WFDC10B: variants seen among roughly 807,000 people sequenced by gnomAD.
WFDC10B encodes protein WFDC10B.
Under a neutral mutation model 2.7 loss-of-function variants are expected in WFDC10B, and 1 was observed. The observed-to-expected ratio is 0.38, with a 90% CI of 0.13 to 1.79. WFDC10B has a LOEUF of 1.79. Ranked by LOEUF, WFDC10B falls within the 40% of genes most tolerant of loss-of-function variation. WFDC10B has a pLI of 0.33. For synonymous variants in WFDC10B, 26 were observed against 32.2 expected (o/e 0.81, Z 0.65); for missense variants, 71 against 87.8 (o/e 0.81, Z 0.76).
At chr20:45,702,339 T>C in intron 2 of WFDC10B, 1 of 958,398 alleles carries the variant, frequency 1.0e-6, no homozygotes, top group Non-Finnish European at 1.6e-6. Flanking sequence ...GCTTTATTGT[T>C]GGCAAGATCT....
intron 2 of WFDC10B, among the ~76,000 whole-genome samples, chr20:45,702,424 G>A (rs1420647623): frequency 1.3e-5 from 2 of 152,180 alleles, no homozygotes; most frequent in East Asian, 3.9e-4. Flanking sequence ...TCCTTATAAT[G>A]AATACAGGAG....
intron 2 of WFDC10B, among the ~76,000 whole-genome samples, chr20:45,698,562 T>C (rs1191404593): frequency 6.6e-6 from 1 of 150,756 alleles, no homozygotes. Flanking sequence ...TAAAGAACTC[T>C]TATGACTCAA....
rs1258148589 is a variant in WFDC10B at position 45,704,527 on chromosome 20, G to A, written c.-95C>T. The A allele has an allele frequency of 6.2e-7, 1 of 1,614,024 alleles. No homozygotes were observed. Among genetic ancestry groups the A allele is most frequent in the East Asian group, 2.2e-5 (1 of 44,894 alleles). On this transcript the variant is annotated 5_prime_UTR_variant, in exon 2 of 4. Coordinates refer to ENST00000330523, the MANE Select transcript of WFDC10B (RefSeq NM_172006.2). ...TACAATGCAGGAAGATTGCGAGAAA[G>A]GATTTCAGTGCTGTTCCTCCTTCTG...
chr20:45,692,894 G>T (rs1031502733), intron 2 of WFDC10B, among the ~76,000 whole-genome samples: 37 of 152,306 alleles, frequency 2.4e-4, no homozygotes, highest in African/African-American at 8.9e-4. Context: ...TTTGGAGGAG[G>T]AGAGGTGCTG....
At chr20:45,688,169 C>A (rs1983690778) in intron 2 of WFDC10B, among the ~76,000 whole-genome samples, 1 of 151,782 alleles carries the variant, frequency 6.6e-6, no homozygotes, top group Non-Finnish European at 1.5e-5. Context: ...ATGATGATTT[C>A]CAACTTCATC....
chr20:45,704,738 G>C lies in WFDC10B; in HGVS notation c.-129-177C>G, dbSNP rs1218252996. ...ATGTTGCCAACATGCCCCTTCTCTT[G>C]ACCAAGGATAATTTCCATAAAAGTC... On this transcript the variant is annotated intron_variant, in intron 1 of 3. Coordinates refer to ENST00000330523, the MANE Select transcript of WFDC10B (RefSeq NM_172006.2). 7 of 1,369,630 alleles carry C rather than the reference G, an allele frequency of 5.1e-6. No homozygotes were observed. The East Asian group carries it at 1.6e-4, about 32-fold the overall frequency. 84.8% of individuals were successfully genotyped at this position (1,369,630 alleles called of 1,614,324 possible). A position where few individuals can be genotyped will look rare whatever the true frequency, so the allele number is the denominator to read the frequency against.
intron 2 of WFDC10B, among the ~76,000 whole-genome samples, chr20:45,687,248 G>A (rs1275378052): frequency 6.8e-6 from 1 of 148,096 alleles, no homozygotes; most frequent in Non-Finnish European, 1.5e-5. Flanking sequence ...AACATGGGGT[G>A]TTTGAACATG....
At chr20:45,698,909 A>C (rs1351152009) in intron 2 of WFDC10B, among the ~76,000 whole-genome samples, 3 of 148,962 alleles carry the variant, frequency 2.0e-5, no homozygotes, top group Non-Finnish European at 3.0e-5. Flanking sequence ...TGGAGGTTGC[A>C]GTGAGCTGAG....
intron 1 of WFDC10B, 120 bp downstream of exon 1, chr20:45,704,798 C>T (rs1984323271): frequency 7.8e-7 from 1 of 1,287,982 alleles, no homozygotes; most frequent in Non-Finnish European, 1.1e-6. Flanking sequence ...TCCCAATCAC[C>T]ACATCCCATC....
chr20:45,695,644 C>T (rs1479700185), intron 2 of WFDC10B, among the ~76,000 whole-genome samples: 1 of 152,122 alleles, frequency 6.6e-6, no homozygotes. Flanking sequence ...GAAATTAATA[C>T]ACTCTAAAAC....
intron 2 of WFDC10B, among the ~76,000 whole-genome samples, chr20:45,691,375 C>T (rs1983807012): frequency 6.6e-6 from 1 of 150,860 alleles, no homozygotes; most frequent in African/African-American, 2.4e-5. Flanking sequence ...GAGCTGAGTT[C>T]AATTCCTGGG....
intron 2 of WFDC10B, among the ~76,000 whole-genome samples, chr20:45,687,786 CAT>C (rs1600953069): frequency 6.6e-6 from 1 of 151,892 alleles, no homozygotes; most frequent in Non-Finnish European, 1.5e-5. Flanking sequence ...TTATCGGCTG[CAT>C]ATATGTCTTC....
rs1342389951 is a variant in WFDC10B, at chr20:45,684,834, A to G, written c.218T>C (p.Leu73Pro). Reference sequence around the variant, plus strand: ...CATCCCAGCCCACTCTCCCACTCATAGGATGCTCATACAAATGTTCCCACA... The same window carrying G: ...CATCCCAGCCCACTCTCCCACTCATGGGATGCTCATACAAATGTTCCCACA... ...AFCGNICMSIL is the reference protein window; with the variant it reads ...AFCGNICMSIP Residue 73 changes from leucine (L) to proline (P), a missense_variant, in exon 4 of 4, where the codon CTA (leucine) becomes CCA (proline). By Grantham distance (98) the Leu-to-Pro change is moderately conservative (BLOSUM62 -3). Transcript: ENST00000330523. The G allele has an allele frequency of 1.9e-6, 3 of 1,613,812 alleles. 1 individual carries two copies. In the South Asian group the frequency reaches 3.3e-5, roughly 18 times the overall value.
chr20:45,704,389 G>T, intron 2 of WFDC10B, 108 bp downstream of exon 2: 1 of 1,568,738 alleles, frequency 6.4e-7, no homozygotes. Flanking sequence ...TCTGAGTTCT[G>T]AACATTACTC....
rs191327616 is a variant in WFDC10B, at chr20:45,695,317, G to A, written c.-65+9180C>T. On this transcript the variant is annotated intron_variant, in intron 2 of 3. Coordinates refer to ENST00000330523, the MANE Select transcript of WFDC10B (RefSeq NM_172006.2). Reference sequence around the variant, plus strand: ...ACACCCAGTTGGTGTCCAGAGATAGGAGAATTGGTTGTTGGTGTTGGAAAG... The same window carrying A: ...ACACCCAGTTGGTGTCCAGAGATAGAAGAATTGGTTGTTGGTGTTGGAAAG... 7.2e-5 allele frequency among the ~76,000 whole-genome samples: 11 copies of A among 152,282 alleles called. No homozygotes were observed. The East Asian group carries it at 2.1e-3, about 29-fold the overall frequency.
At chr20:45,694,499 T>C (rs958562061) in intron 2 of WFDC10B, among the ~76,000 whole-genome samples, 4 of 152,140 alleles carry the variant, frequency 2.6e-5, no homozygotes, top group African/African-American at 9.7e-5. Flanking sequence ...TATAAACATA[T>C]ACACACCAAG....
At chr20:45,686,610 C>T (rs889182064) in intron 2 of WFDC10B, among the ~76,000 whole-genome samples, 1 of 151,882 alleles carries the variant, frequency 6.6e-6, no homozygotes, top group African/African-American at 2.4e-5. Context: ...GAAATCATAT[C>T]ATGAGCCCCT....
chr20:45,694,848 C>T (rs910089625), intron 2 of WFDC10B, among the ~76,000 whole-genome samples: 9 of 152,116 alleles, frequency 5.9e-5, no homozygotes, highest in Admixed American at 5.9e-4. Flanking sequence ...CACTCTCCTC[C>T]AGGAAGTTAA....
At chr20:45,686,209 G>A (rs1322750149) in intron 2 of WFDC10B, among the ~76,000 whole-genome samples, 153 bp from the exon 3 acceptor site, 1 of 152,230 alleles carries the variant, frequency 6.6e-6, no homozygotes, top group East Asian at 1.9e-4. Context: ...CTGCAGGAAT[G>A]ATGCCTCCTC....
Sources: gnomAD v4.1 joint callset for allele counts (sites outside exome capture counted in the v4.1 genomes callset) on GRCh38, gnomAD v4.1.1 for gene constraint, MANE v1.5 for transcripts, NCBI Gene and HGNC (gene_info 2026-07-23, HGNC 2026-07-21) for gene names.